Variants in ACSM3 observed in about 807,000 individuals in gnomAD.
ACSM3 encodes the protein acyl-coenzyme A synthetase ACSM3, mitochondrial.
In ACSM3, 61 loss-of-function variants were observed where a neutral mutation model predicts 74.1. The observed-to-expected ratio is 0.82, with a 90% CI of 0.67 to 1.02. ACSM3 has a LOEUF of 1.02. ACSM3 is among the 50% of genes least tolerant of loss of function. ACSM3 has a pLI of 0.00. For synonymous variants in ACSM3, 213 were observed against 241.5 expected (o/e 0.88, Z 1.09); for missense variants, 660 against 697.0 (o/e 0.95, Z 0.60).
chr16:20,728,463 C>G, intron 1 of ACSM3: 2 of 1,294,948 alleles, frequency 1.5e-6, no homozygotes, highest in Admixed American at 1.7e-5. Flanking sequence ...GTCTACACAG[C>G]CCTTCTGTTT....
chr16:20,790,777 A>G lies in ACSM3; in HGVS notation c.1326+89A>G. The stretch of plus-strand genomic sequence containing the variant: ...GTTTGCCACAAAACATACCTAGGAT[A>G]GGTACTTGACCCTTTCTTGAGAGAT... On this transcript the variant is annotated intron_variant, in intron 10 of 13. Coordinates refer to ENST00000289416, the MANE Select transcript of ACSM3 (RefSeq NM_005622.4). This position sits in a 1 kb window ranked among gnomAD's most constrained non-coding sequence, Gnocchi z 4.0. The G allele has an allele frequency of 6.2e-7, 1 of 1,613,302 alleles. No individual in the cohort carries two copies. Among genetic ancestry groups the G allele is most frequent in the South Asian group, 1.1e-5 (1 of 91,008 alleles).
At chr16:20,794,725 A>C (rs191641759) in intron 12 of ACSM3, among the ~76,000 whole-genome samples, 12 of 152,328 alleles carry the variant, frequency 7.9e-5, no homozygotes, top group Admixed American at 2.6e-4. Flanking sequence ...TTATACATCT[A>C]TGCTAATTCA....
intron 1 of ACSM3, among the ~76,000 whole-genome samples, chr16:20,687,841 T>C (rs1369364754): frequency 6.6e-6 from 1 of 152,146 alleles, no homozygotes; most frequent in Non-Finnish European, 1.5e-5. Context: ...CCCAGCACTT[T>C]GGGAGGCCGA....
In ACSM3 at chr16:20,780,774, C is replaced by A; in HGVS notation, c.699C>A (p.Phe233Leu). ...AACACAATGAGATCATGGCCATATT[C>A]TTTACCAGTGGAACAAGTGGATATC... ...KTKHNEIMAI[F>L]FTSGTSGYPK... Residue 233 changes from phenylalanine (F) to leucine (L), a missense_variant, in exon 5 of 14, where the codon TTC becomes TTA. Coordinates refer to ENST00000289416, the MANE Select transcript of ACSM3 (RefSeq NM_005622.4). 1.2e-6 allele frequency: 2 copies of A among 1,614,212 alleles called. No individual in the cohort carries two copies. Among genetic ancestry groups the A allele is most frequent in the South Asian group, 1.1e-5 (1 of 91,086 alleles).
Position 20,792,664 on chromosome 16 carries a change from A to G in ACSM3, c.1554+329A>G. 4.1e-6 allele frequency: 4 copies of G among 985,364 alleles called. No homozygotes were observed. The South Asian group carries it at 1.9e-4, about 46-fold the overall frequency. 61.0% of individuals were successfully genotyped at this position (985,364 alleles called of 1,614,324 possible). A position where few individuals can be genotyped will look rare whatever the true frequency, so the allele number is the denominator to read the frequency against. ...GGGTGACAGAAGTCAGCTGGATGGG[A>G]TCAAATTGTTACCCAGAAGGTCTGG... On this transcript the variant is annotated intron_variant, in intron 12 of 13. Coordinates refer to ENST00000289416, the MANE Select transcript of ACSM3 (RefSeq NM_005622.4).
intron 1 of ACSM3, among the ~76,000 whole-genome samples, chr16:20,747,540 A>G (rs376468768): frequency 6.6e-6 from 1 of 152,172 alleles, no homozygotes; most frequent in African/African-American, 2.4e-5. Context: ...GCTGGTGCTC[A>G]CCTAATAAAA....
chr16:20,677,181 G>A (rs234278), intron 1 of ACSM3, among the ~76,000 whole-genome samples: 25,919 of 149,644 alleles, frequency 0.17, 2,963 homozygotes, highest in African/African-American at 0.33. Flanking sequence ...GAAAGAAAGA[G>A]CCCCTCCTCT....
At chr16:20,731,732 C>A in intron 1 of ACSM3, 1 of 368,932 alleles carries the variant, frequency 2.7e-6, no homozygotes, top group South Asian at 6.5e-5. Flanking sequence ...TTACAAATAT[C>A]CAAGAAAGTA....
chr16:20,770,102 G>A lies in ACSM3; in HGVS notation c.68G>A (p.Gly23Asp), dbSNP rs149188327. The part of the protein sequence containing the change: ...AKCFQRLAIF[G>D]SVRALHKDNR... ...TGTTTTCAGCGCCTAGCAATTTTTGGTTCTGTGAGGGCACTGCATAAAGAT... is the reference window on the plus strand; with the variant it reads ...TGTTTTCAGCGCCTAGCAATTTTTGATTCTGTGAGGGCACTGCATAAAGAT... The change falls in exon 2 of 14, where the codon GGT (glycine) becomes GAT (aspartate). Residue 23 changes from glycine (G) to aspartate (D), a missense_variant. Physicochemically the swap from Gly to Asp is moderately conservative, Grantham distance 94. Transcript: ENST00000289416. The A allele has an allele frequency of 1.9e-6, 3 of 1,614,136 alleles. No individual in the cohort carries two copies. Among genetic ancestry groups the A allele is most frequent in the East Asian group, 2.2e-5 (1 of 44,880 alleles).
chr16:20,688,491 A>G (rs1032085810), intron 1 of ACSM3, among the ~76,000 whole-genome samples: 5 of 152,180 alleles, frequency 3.3e-5, no homozygotes, highest in African/African-American at 1.2e-4. Flanking sequence ...AAGGAGGACC[A>G]ATATCAAGAC....
chr16:20,791,669 G>A (rs562393582), intron 10 of ACSM3, among the ~76,000 whole-genome samples: 30 of 152,288 alleles, frequency 2.0e-4, no homozygotes, highest in Non-Finnish European at 2.6e-4. Context: ...GCTTATGCCT[G>A]TAATCTCAGC....
Position 20,741,482 on chromosome 16 carries a change from C to T in ACSM3, c.-189-8428C>T, listed in dbSNP as rs746723822. 138 of 160,812 alleles carry T rather than the reference C, an allele frequency of 8.6e-4. 2 individuals are homozygous for T. The highest frequency in any genetic ancestry group is 2.5e-3 in the Middle Eastern group (1 of 402). 10.0% of individuals were successfully genotyped at this position (160,812 alleles called of 1,614,324 possible). A position where few individuals can be genotyped will look rare whatever the true frequency, so the allele number is the denominator to read the frequency against. ...TCCTCCCGCAAGGCCTGGCAGCCGGCCCGCCCGCCCACCCCGGGACCGGTA... is the reference window on the plus strand; with the variant it reads ...TCCTCCCGCAAGGCCTGGCAGCCGGTCCGCCCGCCCACCCCGGGACCGGTA... On this transcript the variant is annotated intron_variant, in intron 1 of 3. Coordinates refer to the ACSM3 transcript ENST00000561584.
intron 1 of ACSM3, among the ~76,000 whole-genome samples, chr16:20,690,160 C>T (rs2079627278): frequency 6.6e-6 from 1 of 152,184 alleles, no homozygotes; most frequent in Non-Finnish European, 1.5e-5. Flanking sequence ...GATAGTAATA[C>T]ATGAATACAT....
At chr16:20,776,178 T>C (rs1432017639) in intron 3 of ACSM3, 129 bp downstream of exon 3, 1 of 1,018,664 alleles carries the variant, frequency 9.8e-7, no homozygotes, top group Non-Finnish European at 1.4e-6. Flanking sequence ...TTAAATTATA[T>C]AAAAGTTAGG....
At position 20,797,510 on chromosome 16, in the gene ACSM3, T is replaced by C; in HGVS notation, c.*538T>C. On this transcript the variant is annotated 3_prime_UTR_variant, in exon 14 of 14. Transcript: ENST00000289416. ...AATAGTTTAGACTTGTTTCAAGGTC[T>C]AACTATAAAAGAAGGATCATATACT... 2 of 1,156,046 alleles carry C rather than the reference T, an allele frequency of 1.7e-6. No individual in the cohort carries two copies. The highest frequency in any genetic ancestry group is 4.4e-5 in the Admixed American group (1 of 22,682). The allele number at this position is 1,156,046 out of a possible 1,614,324, so 71.6% of individuals were successfully genotyped here.
At chr16:20,754,392 G>T (rs1460818165) in intron 2 of ACSM3, among the ~76,000 whole-genome samples, 1 of 152,148 alleles carries the variant, frequency 6.6e-6, no homozygotes, top group Non-Finnish European at 1.5e-5. Flanking sequence ...TCCCACATAA[G>T]CAAACTGAAG....
chr16:20,702,476 G>C (rs971487905), intron 1 of ACSM3, among the ~76,000 whole-genome samples: 4 of 152,110 alleles, frequency 2.6e-5, no homozygotes, highest in African/African-American at 9.7e-5. Flanking sequence ...CCTCCCAAAT[G>C]TTTCCTGACT....
chr16:20,686,588 A>C (rs1257772974), intron 1 of ACSM3, among the ~76,000 whole-genome samples: 1 of 152,210 alleles, frequency 6.6e-6, no homozygotes, highest in Non-Finnish European at 1.5e-5. Context: ...ATATACCTAC[A>C]TAACAAACCT....
chr16:20,739,430 C>T (rs958547276), intron 1 of ACSM3, among the ~76,000 whole-genome samples: 3 of 152,112 alleles, frequency 2.0e-5, no homozygotes, highest in African/African-American at 7.2e-5. Flanking sequence ...CTCAGCCTCC[C>T]AAAGTGCTGG....
Sources: gnomAD v4.1 joint callset for allele counts (sites outside exome capture counted in the v4.1 genomes callset) on GRCh38, gnomAD v4.1.1 for gene constraint, Gnocchi (gnomAD v3.1) non-coding constraint, MANE v1.5 for transcripts, NCBI Gene and HGNC (gene_info 2026-07-23, HGNC 2026-07-21) for gene names.